BABAM2: variants seen among roughly 807,000 people sequenced by gnomAD.
The protein encoded by BABAM2 is BRISC and BRCA1 A complex member 2.
Under a neutral mutation model 54.7 loss-of-function variants are expected in BABAM2, and 31 were observed. That is an observed-to-expected ratio of 0.57 (90% CI 0.43 to 0.77). The LOEUF (loss-of-function observed/expected upper bound fraction) is 0.77, where lower values mean the gene tolerates loss of function less well. Ranked by LOEUF, BABAM2 falls within the 30% of genes least tolerant of loss-of-function variation. BABAM2 has a pLI of 0.00. For missense variants in BABAM2, 364 were observed against 455.8 expected (o/e 0.80, Z 1.83); for synonymous variants, 167 against 162.9 (o/e 1.03, Z -0.19).
At chr2:28,184,708 A>G (rs1355631134) in intron 7 of BABAM2, among the ~76,000 whole-genome samples, 1 of 152,028 alleles carries the variant, frequency 6.6e-6, no homozygotes, top group African/African-American at 2.4e-5. Context: ...ATATTTTCTT[A>G]ATCCAGTCTA....
At chr2:28,056,797 C>G (rs1266138646) in intron 6 of BABAM2, among the ~76,000 whole-genome samples, 1 of 152,168 alleles carries the variant, frequency 6.6e-6, no homozygotes, top group African/African-American at 2.4e-5. Flanking sequence ...ACATAGCAAG[C>G]TTTGGAGGCA....
intron 3 of BABAM2, among the ~76,000 whole-genome samples, chr2:27,967,772 G>T (rs1355838073): frequency 6.6e-6 from 1 of 152,184 alleles, no homozygotes; most frequent in Non-Finnish European, 1.5e-5. Context: ...AACTCATTGG[G>T]AACTGGAGCA....
In BABAM2 at chr2:28,168,954, G is replaced by A. The variant is rs564658412; in HGVS notation, c.680+39574G>A. On this transcript the variant is annotated intron_variant, in intron 7 of 11. Transcript: ENST00000379624. ...AGTCCTGCTACTTATTCCCTCATTGGCCACCTGTAGCCTCTTCTCCTGTGA... is the reference window on the plus strand; with the variant it reads ...AGTCCTGCTACTTATTCCCTCATTGACCACCTGTAGCCTCTTCTCCTGTGA... Among the ~76,000 whole-genome samples, 3 of 152,244 alleles carry A rather than the reference G, an allele frequency of 2.0e-5. No homozygotes were observed. In the South Asian group the frequency reaches 6.2e-4, roughly 32 times the overall value.
At chr2:27,914,557 G>C (rs547723384) in intron 2 of BABAM2, among the ~76,000 whole-genome samples, 1 of 152,226 alleles carries the variant, frequency 6.6e-6, no homozygotes, top group East Asian at 1.9e-4. Flanking sequence ...GTGTAGGGTT[G>C]AGTATTTTTA....
At chr2:28,258,904 G>A (rs1188246504) in intron 10 of BABAM2, among the ~76,000 whole-genome samples, 10 of 151,566 alleles carry the variant, frequency 6.6e-5, no homozygotes, top group Non-Finnish European at 1.5e-4. Context: ...AGCCTCCCGA[G>A]TAGCTGGGAC....
chr2:27,927,529 C>T (rs1179253995), intron 2 of BABAM2, among the ~76,000 whole-genome samples: 9 of 152,146 alleles, frequency 5.9e-5, no homozygotes, highest in African/African-American at 2.2e-4. Context: ...TTAGATTGTA[C>T]TTCATAATGC....
At chr2:28,167,604 G>T (rs1673828331) in intron 7 of BABAM2, among the ~76,000 whole-genome samples, 1 of 151,614 alleles carries the variant, frequency 6.6e-6, no homozygotes, top group African/African-American at 2.4e-5. Context: ...TGAGGCAGGA[G>T]AATCGCTTGA....
At chr2:28,132,997 C>G (rs1670220932) in intron 7 of BABAM2, among the ~76,000 whole-genome samples, 1 of 152,144 alleles carries the variant, frequency 6.6e-6, no homozygotes, top group Non-Finnish European at 1.5e-5. Context: ...TATACTTTTC[C>G]TGGTTGCTAC....
At chr2:28,172,770 A>T (rs1028778827) in intron 7 of BABAM2, among the ~76,000 whole-genome samples, 1 of 152,166 alleles carries the variant, frequency 6.6e-6, no homozygotes. Context: ...CATTCCAAAT[A>T]TGCTTTCCGG....
chr2:28,087,949 C>T (rs138395872), intron 6 of BABAM2, among the ~76,000 whole-genome samples: 235 of 152,224 alleles, frequency 1.5e-3, no homozygotes, highest in Non-Finnish European at 2.3e-3. Context: ...CATGCCTGGC[C>T]GAGGTTTTGT....
At position 27,937,937 on chromosome 2, in the gene BABAM2, C is replaced by T. The variant is rs566049739; in HGVS notation, c.205+8029C>T. 2.1e-4 allele frequency among the ~76,000 whole-genome samples: 32 copies of T among 152,200 alleles called. No homozygotes were observed. In the East Asian group the frequency reaches 2.1e-3, roughly 10 times the overall value. ...TTTCTTCTAGTAGTTTCATAGTTTCCGATCTTACGTTTAACTCTTTAATCC... is the reference window on the plus strand; with the variant it reads ...TTTCTTCTAGTAGTTTCATAGTTTCTGATCTTACGTTTAACTCTTTAATCC... On this transcript the variant is annotated intron_variant, in intron 3 of 11. Coordinates refer to ENST00000379624, the MANE Select transcript of BABAM2 (RefSeq NM_199191.3).
intron 8 of BABAM2, among the ~76,000 whole-genome samples, chr2:28,238,469 A>C (rs1417234196): frequency 1.3e-5 from 2 of 152,262 alleles, no homozygotes; most frequent in Non-Finnish European, 2.9e-5. Flanking sequence ...TCTTTCACTC[A>C]AAAGATAGCT....
In BABAM2 at chr2:28,338,534, T is replaced by G. The variant is rs749125629; in HGVS notation, c.*21T>G. Reference sequence around the variant, plus strand: ...TCTAGGAAACACCAGTCTTGAGAGGTGGCCAGCCAGACTGCCTGTCCACAT... The same window carrying G: ...TCTAGGAAACACCAGTCTTGAGAGGGGGCCAGCCAGACTGCCTGTCCACAT... On this transcript the variant is annotated 3_prime_UTR_variant, in exon 12 of 12. Transcript: ENST00000379624. 1 of 1,613,368 alleles carries G rather than the reference T, an allele frequency of 6.2e-7. No homozygotes were observed. Among genetic ancestry groups the G allele is most frequent in the Admixed American group, 1.7e-5 (1 of 60,004 alleles).
intron 2 of BABAM2, among the ~76,000 whole-genome samples, chr2:27,899,747 G>A (rs1315199420): frequency 1.3e-5 from 2 of 152,116 alleles, no homozygotes; most frequent in Admixed American, 1.3e-4. Context: ...GATTACAGGC[G>A]TGAGCCACTG....
intron 7 of BABAM2, among the ~76,000 whole-genome samples, chr2:28,172,089 G>A (rs1458156655): frequency 6.7e-5 from 1 of 14,962 alleles, no homozygotes; most frequent in East Asian, 4.4e-4. Flanking sequence ...TGTTTGAAAT[G>A]TGTGTGTGTG....
In BABAM2 at chr2:27,939,033, A is replaced by G. The variant is rs547561318; in HGVS notation, c.205+9125A>G. 9.9e-5 allele frequency among the ~76,000 whole-genome samples: 15 copies of G among 151,974 alleles called. No homozygotes were observed. The South Asian group carries it at 2.3e-3, about 23-fold the overall frequency. The stretch of plus-strand genomic sequence containing the variant: ...AATGTAGCAATCTCGGCTCACTTCA[A>G]CCTCCACCTCCTGGGTTCAAGTGTT... On this transcript the variant is annotated intron_variant, in intron 3 of 11. Coordinates refer to ENST00000379624, the MANE Select transcript of BABAM2 (RefSeq NM_199191.3).
intron 3 of BABAM2, among the ~76,000 whole-genome samples, chr2:27,971,556 C>T (rs1671224478): frequency 6.6e-6 from 1 of 152,064 alleles, no homozygotes; most frequent in South Asian, 2.1e-4. Context: ...TTTACAACAT[C>T]CATCTCACTA....
At chr2:27,918,203 G>A (rs1472746524) in intron 2 of BABAM2, among the ~76,000 whole-genome samples, 19 of 151,984 alleles carry the variant, frequency 1.3e-4, no homozygotes, top group African/African-American at 2.4e-5. Flanking sequence ...ACTATCCATC[G>A]GAAACTCTGT....
At position 28,184,284 on chromosome 2, in the gene BABAM2, C is replaced by CTCTCTCT. The variant is rs1483820565; in HGVS notation, c.681-52916_681-52915insTCTCTTC. Among the ~76,000 whole-genome samples the CTCTCTCT allele has an allele frequency of 1.5e-4, 18 of 117,984 alleles. No individual in the cohort carries two copies. The East Asian group carries it at 7.5e-3, about 49-fold the overall frequency. The allele number at this position is 117,984 out of a possible 152,430, so 77.4% of individuals were successfully genotyped here. A position where few individuals can be genotyped will look rare whatever the true frequency, so the allele number is the denominator to read the frequency against. ...CCTCCCTCTCTCTCTCTCTCTCTCTCTCCCCCCCTCCCTCTCTCCCTCTCT... is the reference window on the plus strand; with the variant it reads ...CCTCCCTCTCTCTCTCTCTCTCTCTCTCTCTCTTCCCCCCCTCCCTCTCTCCCTCTCT... On this transcript the variant is annotated intron_variant, in intron 7 of 11. Transcript: ENST00000379624.
Sources: gnomAD v4.1 joint callset for allele counts (sites outside exome capture counted in the v4.1 genomes callset) on GRCh38, gnomAD v4.1.1 for gene constraint, MANE v1.5 for transcripts, NCBI Gene and HGNC (gene_info 2026-07-23, HGNC 2026-07-21) for gene names.